Variants in CDH8 observed in about 807,000 individuals in gnomAD.
CDH8 encodes cadherin-8.
CDH8 carries 17 observed loss-of-function variants against 68.1 expected under a neutral mutation model. The ratio of observed to expected loss-of-function variants is 0.25; its 90% confidence interval spans 0.17 to 0.37. The LOEUF is 0.37. Ranked by LOEUF, CDH8 falls within the 10% of genes least tolerant of loss-of-function variation. The pLI is 1.00. For missense variants in CDH8, 763 were observed against 999.3 expected, an observed-to-expected ratio of 0.76 and a Z score of 3.19; for synonymous variants, 372 against 365.1, an observed-to-expected ratio of 1.02 and a Z score of -0.21.
chr16:61,690,246 A>G (rs1158965822), intron 10 of CDH8, among the ~76,000 whole-genome samples: 1 of 152,082 alleles, frequency 6.6e-6, no homozygotes, highest in Non-Finnish European at 1.5e-5. Flanking sequence ...GATAGATTCT[A>G]AAGGTTAATA....
At chr16:61,940,042 C>G (rs1252590259) in intron 2 of CDH8, among the ~76,000 whole-genome samples, 5 of 152,156 alleles carry the variant, frequency 3.3e-5, no homozygotes, top group Non-Finnish European at 7.3e-5. Flanking sequence ...AGCATATCTC[C>G]TTATTAATTC....
At chr16:61,684,496 A>AT (rs1964071538) in intron 10 of CDH8, among the ~76,000 whole-genome samples, 1 of 152,076 alleles carries the variant, frequency 6.6e-6, no homozygotes, top group Non-Finnish European at 1.5e-5. Flanking sequence ...TAACAACAGC[A>AT]TTAATCAAAC....
chr16:61,821,679 C>T (rs963541999), intron 5 of CDH8, among the ~76,000 whole-genome samples: 3 of 152,014 alleles, frequency 2.0e-5, no homozygotes, highest in African/African-American at 7.2e-5. Context: ...TGCTAAAGTC[C>T]TCATTGCTCT....
chr16:61,714,253 G>A, intron 9 of CDH8: 1 of 310,166 alleles, frequency 3.2e-6, no homozygotes, highest in Non-Finnish European at 6.0e-6. Flanking sequence ...GGCAATTACA[G>A]GTTTCTTTCC....
At chr16:61,702,258 G>A (rs1964444311) in intron 10 of CDH8, among the ~76,000 whole-genome samples, 2 of 152,168 alleles carry the variant, frequency 1.3e-5, no homozygotes, top group African/African-American at 4.8e-5. Context: ...TGTAGTCCCA[G>A]CTACTTAGGA....
At position 61,648,108 on chromosome 16, in the gene CDH8, A is replaced by G. The variant is rs1480010054; in HGVS notation, c.*5500T>C. Reference sequence around the variant, plus strand: ...GGAGAATACATACAAAAACACTTACAACATTACAACTCAGGAGATGACCCC... The same window carrying G: ...GGAGAATACATACAAAAACACTTACGACATTACAACTCAGGAGATGACCCC... On this transcript the variant is annotated 3_prime_UTR_variant, in exon 12 of 12. Coordinates refer to ENST00000577390, the MANE Select transcript of CDH8 (RefSeq NM_001796.5). The G allele has an allele frequency of 2.5e-6, 1 of 401,226 alleles. No individual in the cohort carries two copies. The highest frequency in any genetic ancestry group is 4.2e-5 in the Admixed American group (1 of 23,654). 24.9% of individuals were successfully genotyped at this position (401,226 alleles called of 1,614,324 possible).
intron 8 of CDH8, among the ~76,000 whole-genome samples, chr16:61,768,245 A>T (rs774056713): frequency 6.6e-6 from 1 of 151,068 alleles, no homozygotes; most frequent in Non-Finnish European, 1.5e-5. Flanking sequence ...TATAATTGAT[A>T]ATCTCCTCTA....
At chr16:61,696,301 A>C (rs182724469) in intron 10 of CDH8, among the ~76,000 whole-genome samples, 92 of 152,316 alleles carry the variant, frequency 6.0e-4, no homozygotes, top group African/African-American at 2.1e-3. Context: ...GCTCCAGTGG[A>C]AAGTGGGGAA....
In CDH8 at chr16:61,874,586, C is replaced by T. The variant is rs575911203; in HGVS notation, c.548-17348G>A. ...GACCTCGTGATCTGCCTGCCTCAGC[C>T]TCCCAAAGTGATATTTTCAACTTAC... On this transcript the variant is annotated intron_variant, in intron 3 of 11. Coordinates refer to ENST00000577390, the MANE Select transcript of CDH8 (RefSeq NM_001796.5). Among the ~76,000 whole-genome samples, 3 of 152,180 alleles carry T rather than the reference C, an allele frequency of 2.0e-5. No individual in the cohort carries two copies. In the East Asian group the frequency reaches 5.8e-4, roughly 30 times the overall value.
chr16:61,922,564 T>G (rs187913297), intron 2 of CDH8, among the ~76,000 whole-genome samples: 58 of 152,330 alleles, frequency 3.8e-4, no homozygotes, highest in African/African-American at 1.2e-3. Context: ...TTATGTATAA[T>G]TTGTATATAA....
At chr16:61,697,241 T>A (rs903646413) in intron 10 of CDH8, among the ~76,000 whole-genome samples, 2 of 152,082 alleles carry the variant, frequency 1.3e-5, no homozygotes, top group Non-Finnish European at 2.9e-5. Context: ...AATGGGCATG[T>A]GGGTTGGTTT....
rs35190674 is a variant in CDH8, at chr16:61,697,497, A to AT, written c.1654+16343dup. ...GTCAGAACTACACTTTTGGAGAGTT[A>AT]TTTTTTTTTTTTTTGAGACAGAGTC... On this transcript the variant is annotated intron_variant, in intron 10 of 11. Coordinates refer to ENST00000577390, the MANE Select transcript of CDH8 (RefSeq NM_001796.5). Among the ~76,000 whole-genome samples, 351 of 147,068 alleles carry AT rather than the reference A, an allele frequency of 2.4e-3. 2 individuals are homozygous for AT. Among genetic ancestry groups the AT allele is most frequent in the South Asian group, 2.8e-3 (13 of 4,630 alleles).
At chr16:62,013,486 C>T (rs1197244842) in intron 2 of CDH8, among the ~76,000 whole-genome samples, 1 of 151,978 alleles carries the variant, frequency 6.6e-6, no homozygotes, top group East Asian at 1.9e-4. Context: ...AAGATAGATA[C>T]AAAAATGTTT....
At chr16:61,781,279 T>C (rs1452442974) in intron 8 of CDH8, among the ~76,000 whole-genome samples, 2 of 152,230 alleles carry the variant, frequency 1.3e-5, no homozygotes, top group African/African-American at 2.4e-5. Context: ...CTCATAAACC[T>C]TGATGGATAT....
chr16:62,013,261 CAAAAAAAAAA>C (rs1165564723), intron 2 of CDH8, among the ~76,000 whole-genome samples: 3 of 6,408 alleles, frequency 4.7e-4, no homozygotes, highest in African/African-American at 1.5e-3. Context: ...GACTCCGTCT[CAAAAAAAAAA>C]AAAAAAAAAA....
At chr16:61,793,907 C>T (rs1243588764) in intron 7 of CDH8, among the ~76,000 whole-genome samples, 1 of 151,962 alleles carries the variant, frequency 6.6e-6, no homozygotes, top group Non-Finnish European at 1.5e-5. Flanking sequence ...TATAAGCCAT[C>T]CAGTCTATTT....
At chr16:61,956,946 A>T (rs1759591931) in intron 2 of CDH8, among the ~76,000 whole-genome samples, 1 of 152,196 alleles carries the variant, frequency 6.6e-6, no homozygotes, top group African/African-American at 2.4e-5. Context: ...CTTGTGTTCA[A>T]TAAAATGCAG....
At chr16:61,890,486 A>G (rs181096526) in intron 3 of CDH8, among the ~76,000 whole-genome samples, 2 of 152,148 alleles carry the variant, frequency 1.3e-5, no homozygotes. Context: ...CACCAATTCA[A>G]ATTATCAGAT....
intron 2 of CDH8, chr16:61,940,655 C>T (rs570947584): frequency 6.6e-6 from 1 of 152,408 alleles, no homozygotes; most frequent in African/African-American, 2.4e-5. Context: ...CCCTCCTCGG[C>T]CTCCCAAAGT....
Sources: allele counts gnomAD v4.1 joint callset (sites outside exome capture counted in the v4.1 genomes callset), GRCh38; gene constraint gnomAD v4.1.1; transcripts MANE v1.5; gene names NCBI Gene and HGNC (gene_info 2026-07-23, HGNC 2026-07-21).